DNAAF1: variants seen among roughly 807,000 people sequenced by gnomAD.
DNAAF1 encodes dynein assembly factor 1, axonemal.
Under a neutral mutation model 71.1 loss-of-function variants are expected in DNAAF1, and 65 were observed. The observed-to-expected ratio is 0.91, with a 90% confidence interval of 0.75 to 1.12. DNAAF1 has a LOEUF of 1.12. Among genes scored for constraint, DNAAF1 ranks in the 50% most tolerant of loss-of-function variants. The probability of loss-of-function intolerance (pLI) is 0.00; values close to 1 mark genes in which losing one functional copy is unlikely to be tolerated. For missense variants in DNAAF1, 1,178 were observed against 899.8 expected, an observed-to-expected ratio of 1.31 and a Z score of -3.96; for synonymous variants, 414 against 354.6, an observed-to-expected ratio of 1.17 and a Z score of -1.88.
Position 84,172,455 on chromosome 16 carries a change from A to C in DNAAF1, c.1644+80A>C. On this transcript the variant is annotated intron_variant, in intron 9 of 11. Transcript: ENST00000378553. ...AGGTAATCAGATGCAGACTTTGGAG[A>C]CCCTCGATACCCCAAGTGTGGTCCT... is the stretch of plus-strand genomic sequence containing the variant. The C allele has an allele frequency of 1.9e-6, 3 of 1,561,080 alleles. No homozygotes were observed. The South Asian group carries it at 3.5e-5, about 18-fold the overall frequency.
At position 84,170,226 on chromosome 16, in the gene DNAAF1, G is replaced by T. The variant is rs755044986; in HGVS notation, c.1398G>T (p.Gly466=). ...KGEDGDQEPE[G]TLPAETLLLS... ...AGGATGGAGATCAAGAGCCAGAGGG[G>T]ACCCTCCCAGCTGAGACCCTGCTAC... Residue 466 remains glycine, a synonymous_variant, in exon 8 of 12, where the codon GGG becomes GGT. Coordinates refer to ENST00000378553, the MANE Select transcript of DNAAF1 (RefSeq NM_178452.6). 2 of 1,612,388 alleles carry T rather than the reference G, an allele frequency of 1.2e-6. No individual in the cohort carries two copies. Among genetic ancestry groups the T allele is most frequent in the South Asian group, 1.1e-5 (1 of 90,944 alleles).
rs1567569591 is a variant in DNAAF1, at chr16:84,175,913, A to G, written c.1699-20A>G. The G allele has an allele frequency of 3.7e-6, 6 of 1,613,372 alleles. No homozygotes were observed. The highest frequency in any genetic ancestry group is 1.3e-5 in the African/African-American group (1 of 74,888). ...GTTGTGAAAACAGAAACTTTCAGAC[A>G]CCTTTTCTTCTGTAAATAGAATATG... On this transcript the variant is annotated intron_variant, in intron 10 of 11. Transcript: ENST00000378553.
intron 1 of DNAAF1, among the ~76,000 whole-genome samples, chr16:84,146,751 A>C (rs1011972143): frequency 1.3e-5 from 2 of 152,154 alleles, no homozygotes; most frequent in Non-Finnish European, 2.9e-5. Flanking sequence ...TCTCAAAAAA[A>C]AAAAAGGAAA....
chr16:84,159,140 G>A, intron 5 of DNAAF1: 1 of 995,450 alleles, frequency 1.0e-6, no homozygotes, highest in Non-Finnish European at 1.2e-6. Context: ...CCTCCTCCCT[G>A]GTCCTAAGTG....
At chr16:84,167,372 G>T (rs994369243) in intron 7 of DNAAF1, among the ~76,000 whole-genome samples, 1 of 152,076 alleles carries the variant, frequency 6.6e-6, no homozygotes, top group East Asian at 1.9e-4. Context: ...TTTTCCAGAA[G>T]CTCCAGCACG....
chr16:84,159,094 T>C (rs972024782), intron 5 of DNAAF1: 4 of 992,574 alleles, frequency 4.0e-6, no homozygotes, highest in Admixed American at 5.7e-5. Context: ...TATTTAAAGA[T>C]GGGGGAGGAT....
intron 7 of DNAAF1, among the ~76,000 whole-genome samples, chr16:84,169,353 T>C (rs374054591): frequency 8.5e-4 from 130 of 152,196 alleles, no homozygotes; most frequent in African/African-American, 3.0e-3. Flanking sequence ...CCCAAAATGC[T>C]GGGATTACAA....
Position 84,170,429 on chromosome 16 carries a change from G to T in DNAAF1, c.1528+73G>T, listed in dbSNP as rs890957822. On this transcript the variant is annotated intron_variant, in intron 8 of 11. Transcript: ENST00000378553. ...GCCCCAGCCTTCGACTCACGTCTCTGTGGGACCTGGGGCCTGAGTTTCACT... is the reference window on the plus strand; with the variant it reads ...GCCCCAGCCTTCGACTCACGTCTCTTTGGGACCTGGGGCCTGAGTTTCACT... The T allele has an allele frequency of 1.9e-6, 3 of 1,606,156 alleles. No individual in the cohort carries two copies. The South Asian group carries it at 3.3e-5, about 18-fold the overall frequency.
rs991434446 is a variant in DNAAF1, at chr16:84,177,898, T to C, written c.*57T>C. Reference sequence around the variant, plus strand: ...TAATCATAAATGTCTCCCTTAGGCATGATAAACATTTTAACACCCACGCGA... The same window carrying C: ...TAATCATAAATGTCTCCCTTAGGCACGATAAACATTTTAACACCCACGCGA... On this transcript the variant is annotated 3_prime_UTR_variant, in exon 12 of 12. Transcript: ENST00000378553. The C allele has an allele frequency of 3.5e-6, 5 of 1,447,858 alleles. No individual in the cohort carries two copies. The highest frequency in any genetic ancestry group is 1.4e-5 in the African/African-American group (1 of 71,628). 89.7% of individuals were successfully genotyped at this position (1,447,858 alleles called of 1,614,324 possible).
At chr16:84,158,815 C>A (rs1364321610) in intron 5 of DNAAF1, 1 of 154,452 alleles carries the variant, frequency 6.5e-6, no homozygotes, top group Non-Finnish European at 1.4e-5. Context: ...CTACAGCCTC[C>A]CCCTCCTGGG....
intron 6 of DNAAF1, among the ~76,000 whole-genome samples, chr16:84,162,393 A>C (rs2087756017): frequency 6.6e-6 from 1 of 151,924 alleles, no homozygotes; most frequent in African/African-American, 2.4e-5. Flanking sequence ...ACTTGAGGTC[A>C]GGAGACTCCC....
chr16:84,152,752 G>A (rs1357921007), intron 3 of DNAAF1, among the ~76,000 whole-genome samples: 2 of 151,642 alleles, frequency 1.3e-5, no homozygotes, highest in East Asian at 1.9e-4. Context: ...TAAGGAGTTC[G>A]AGACCAACCT....
intron 2 of DNAAF1, 121 bp downstream of exon 2, chr16:84,149,263 A>C: frequency 7.6e-7 from 1 of 1,309,116 alleles, no homozygotes; most frequent in Middle Eastern, 1.8e-4. Context: ...CCAATGTCTG[A>C]GAATGGAGTG....
intron 4 of DNAAF1, 131 bp from the exon 5 acceptor site, chr16:84,155,452 C>G (rs775290570): frequency 8.2e-5 from 88 of 1,073,628 alleles, no homozygotes; most frequent in South Asian, 1.5e-4. Flanking sequence ...TGGTCTCAAA[C>G]CTCCTGGGCT....
chr16:84,153,891 C>T (rs1363796204), intron 3 of DNAAF1, among the ~76,000 whole-genome samples: 1 of 152,108 alleles, frequency 6.6e-6, no homozygotes, highest in Non-Finnish European at 1.5e-5. Flanking sequence ...ACCATGAAGG[C>T]AGCAGTAGGC....
At position 84,153,751 on chromosome 16, in the gene DNAAF1, C is replaced by T. The variant is rs773684571; in HGVS notation, c.353-826C>T. Reference sequence around the variant, plus strand: ...AAACTAAAAGATTTGTTTTCCTAACCGTAAATTTGGCTCATAAAACTGAAA... The same window carrying T: ...AAACTAAAAGATTTGTTTTCCTAACTGTAAATTTGGCTCATAAAACTGAAA... On this transcript the variant is annotated intron_variant, in intron 3 of 11. Transcript: ENST00000378553. Among the ~76,000 whole-genome samples, 13 of 152,208 alleles carry T rather than the reference C, an allele frequency of 8.5e-5. No homozygotes were observed. The South Asian group carries it at 1.5e-3, about 17-fold the overall frequency.
chr16:84,150,101 GAA>G (rs2087115075), intron 2 of DNAAF1, 148 bp from the exon 3 acceptor site: 5 of 646,124 alleles, frequency 7.7e-6, no homozygotes, highest in Non-Finnish European at 1.4e-5. Context: ...AAGGAAAGGA[GAA>G]AGAGAAAAAG....
intron 6 of DNAAF1, among the ~76,000 whole-genome samples, 160 bp from the exon 7 acceptor site, chr16:84,165,623 T>C (rs1269476723): frequency 6.6e-6 from 1 of 152,184 alleles, no homozygotes; most frequent in Non-Finnish European, 1.5e-5. Flanking sequence ...TGCAGACTGT[T>C]CCACCTTAAA....
At position 84,169,930 on chromosome 16, in the gene DNAAF1, G is replaced by A; in HGVS notation, c.1102G>A (p.Asp368Asn). Residue 368 changes from aspartate (D) to asparagine (N), a missense_variant, in exon 8 of 12, where the codon GAC (aspartate) becomes AAC (asparagine). Transcript: ENST00000378553. ...SAEGKEEPPG[D>N]RETRQKMELF... ...GGAAGGCAAGGAGGAGCCTCCCGGG[G>A]ACAGAGAAACAAGGCAGAAGATGGA... is the stretch of plus-strand genomic sequence containing the variant. 1 of 1,614,172 alleles carries A rather than the reference G, an allele frequency of 6.2e-7. No individual in the cohort carries two copies. The highest frequency in any genetic ancestry group is 8.5e-7 in the Non-Finnish European group (1 of 1,180,036).
Sources: allele counts gnomAD v4.1 joint callset (sites outside exome capture counted in the v4.1 genomes callset), GRCh38; gene constraint gnomAD v4.1.1; transcripts MANE v1.5; gene names NCBI Gene and HGNC (gene_info 2026-07-23, HGNC 2026-07-21).